Variants in FRMD4A observed in about 807,000 individuals in gnomAD.
The protein encoded by FRMD4A is FERM domain containing 4A.
A neutral mutation model predicts 129.1 loss-of-function variants in FRMD4A; 29 were observed. That is an observed-to-expected ratio of 0.22 (90% CI 0.17 to 0.31). The LOEUF is 0.31. FRMD4A is among the 10% of genes least tolerant of loss of function. The pLI, the probability that FRMD4A is intolerant of heterozygous loss-of-function variation, is 1.00. For synonymous variants in FRMD4A, 634 were observed against 571.6 expected, an observed-to-expected ratio of 1.11 and a Z score of -1.56; for missense variants, 1,272 against 1,375.8, an observed-to-expected ratio of 0.92 and a Z score of 1.19.
chr10:13,689,995 G>A (rs1326843833), intron 15 of FRMD4A, among the ~76,000 whole-genome samples: 1 of 152,204 alleles, frequency 6.6e-6, no homozygotes, highest in Admixed American at 6.5e-5. Context: ...TTCTGAAATG[G>A]AGACTAGTTT....
chr10:13,761,896 G>T (rs1376634803), intron 7 of FRMD4A, among the ~76,000 whole-genome samples: 1 of 152,176 alleles, frequency 6.6e-6, no homozygotes, highest in African/African-American at 2.4e-5. Flanking sequence ...CAAAGTAAGT[G>T]ATTCATAATG....
intron 6 of FRMD4A, among the ~76,000 whole-genome samples, chr10:13,781,214 G>C (rs1405694345): frequency 6.8e-6 from 1 of 147,496 alleles, no homozygotes; most frequent in African/African-American, 2.5e-5. Context: ...TGAAGTAGGA[G>C]GATCACTTGA....
In FRMD4A at chr10:14,014,082, G is replaced by A. The variant is rs139537972; in HGVS notation, c.46-155170C>T. On this transcript the variant is annotated intron_variant, in intron 2 of 24. Coordinates refer to ENST00000357447, the MANE Select transcript of FRMD4A (RefSeq NM_018027.5). ...AGTGAGTATCGGGGAGGTGGGTGGG[G>A]ATGCAGGGGAAGGATTTGGAGGTGG... Among the ~76,000 whole-genome samples, 378 of 152,270 alleles carry A rather than the reference G, an allele frequency of 2.5e-3. 1 individual carries two copies. The highest frequency in any genetic ancestry group is 8.4e-3 in the African/African-American group (351 of 41,550).
chr10:14,184,845 C>A (rs1842035201), intron 2 of FRMD4A, among the ~76,000 whole-genome samples: 1 of 152,116 alleles, frequency 6.6e-6, no homozygotes. Flanking sequence ...GATAGATATC[C>A]TTACCACATC....
chr10:13,929,129 T>C (rs573159822), intron 2 of FRMD4A, among the ~76,000 whole-genome samples: 1 of 152,366 alleles, frequency 6.6e-6, no homozygotes, highest in Admixed American at 6.5e-5. Context: ...ATTTGTGGGA[T>C]GGTAGCCTGC....
At chr10:13,782,681 A>T (rs1401363987) in intron 6 of FRMD4A, among the ~76,000 whole-genome samples, 1 of 152,166 alleles carries the variant, frequency 6.6e-6, no homozygotes, top group Non-Finnish European at 1.5e-5. Context: ...TGACCACGTG[A>T]TCCACCCGCC....
At chr10:13,752,926 G>A (rs76212177) in intron 8 of FRMD4A, among the ~76,000 whole-genome samples, 2,026 of 152,302 alleles carry the variant, frequency 0.013, 82 homozygotes, top group South Asian at 0.12. Context: ...TGGAGGTGTT[G>A]ATGTGTTTAA....
At chr10:13,830,941 C>G (rs1385255919) in intron 3 of FRMD4A, among the ~76,000 whole-genome samples, 2 of 152,168 alleles carry the variant, frequency 1.3e-5, no homozygotes, top group Admixed American at 6.5e-5. Context: ...AGGCACCCAC[C>G]ACCAGGCCTG....
chr10:13,862,309 G>A (rs2094305754), intron 2 of FRMD4A, among the ~76,000 whole-genome samples: 1 of 152,088 alleles, frequency 6.6e-6, no homozygotes, highest in Non-Finnish European at 1.5e-5. Context: ...GACATTATTG[G>A]ATCAAATAAA....
At chr10:14,262,732 G>A (rs1213605796) in intron 2 of FRMD4A, among the ~76,000 whole-genome samples, 1 of 152,198 alleles carries the variant, frequency 6.6e-6, no homozygotes, top group African/African-American at 2.4e-5. Context: ...CAGTAATGGG[G>A]AAAAACACAG....
chr10:14,208,196 A>G (rs1399913492), intron 2 of FRMD4A, among the ~76,000 whole-genome samples: 3 of 152,150 alleles, frequency 2.0e-5, no homozygotes. Context: ...ACCCAGCCTC[A>G]AAAGAAACAA....
chr10:14,100,706 C>CAT (rs144631125), intron 2 of FRMD4A, among the ~76,000 whole-genome samples: 102 of 150,064 alleles, frequency 6.8e-4, no homozygotes, highest in Middle Eastern at 3.4e-3. Context: ...GAAAATAGAA[C>CAT]ATATATATAT....
At chr10:13,699,224 G>GTTTTTTTTTTTTTTTTTTTTTTT (rs1168489802) in intron 14 of FRMD4A, among the ~76,000 whole-genome samples, 2 of 76,270 alleles carry the variant, frequency 2.6e-5, no homozygotes, top group African/African-American at 1.0e-4. Context: ...CTTGGTTATT[G>GTTTTTTTTTTTTTTTTTTTTTTT]TTTTTTTTTT....
At position 14,143,961 on chromosome 10, in the gene FRMD4A, T is replaced by C. The variant is rs144316135; in HGVS notation, c.45+186097A>G. 3.3e-5 allele frequency among the ~76,000 whole-genome samples: 5 copies of C among 152,266 alleles called. No homozygotes were observed. The East Asian group carries it at 7.7e-4, about 23-fold the overall frequency. ...TTGTCACAATTAAAATTTTTTTACA[T>C]TGAAAAATGGAGCAAAATGTTGAAT... On this transcript the variant is annotated intron_variant, in intron 2 of 24. Transcript: ENST00000357447.
intron 2 of FRMD4A, among the ~76,000 whole-genome samples, chr10:14,260,879 T>A (rs1459225517): frequency 2.6e-5 from 4 of 152,212 alleles, no homozygotes; most frequent in Non-Finnish European, 5.9e-5. Context: ...AAATTCAGAA[T>A]GTTGGATTCT....
chr10:13,679,441 A>T (rs12763958), intron 15 of FRMD4A, among the ~76,000 whole-genome samples: 2 of 68,350 alleles, frequency 2.9e-5, no homozygotes, highest in African/African-American at 6.7e-5. Flanking sequence ...AAAAAAAAAA[A>T]AAAAAAAAAA....
At chr10:14,110,219 A>AC (rs1837828339) in intron 2 of FRMD4A, among the ~76,000 whole-genome samples, 2 of 150,700 alleles carry the variant, frequency 1.3e-5, no homozygotes, top group Admixed American at 1.3e-4. Flanking sequence ...TAAAAAAAAA[A>AC]CAAGTATGCA....
chr10:14,176,938 A>C (rs1841750546), intron 2 of FRMD4A, among the ~76,000 whole-genome samples: 1 of 152,190 alleles, frequency 6.6e-6, no homozygotes, highest in African/African-American at 2.4e-5. Context: ...CATTAAAACG[A>C]CTTGTTATCC....
chr10:13,939,611 A>G (rs1429914284), intron 2 of FRMD4A, among the ~76,000 whole-genome samples: 1 of 152,242 alleles, frequency 6.6e-6, no homozygotes, highest in East Asian at 1.9e-4. Context: ...AAGGTCAATG[A>G]TATAAAAGTA....
Sources: allele counts gnomAD v4.1 joint callset (sites outside exome capture counted in the v4.1 genomes callset), GRCh38; gene constraint gnomAD v4.1.1; transcripts MANE v1.5; gene names NCBI Gene and HGNC (gene_info 2026-07-23, HGNC 2026-07-21).